The following TCP11L2 variants were observed in gnomAD, a reference collection of about 807,000 sequenced individuals.
TCP11L2 encodes t-complex 11 like 2, also known as T-complex protein 11-like protein 2.
A neutral mutation model predicts 50.7 loss-of-function variants in TCP11L2; 39 were observed. The observed-to-expected ratio is 0.77, with a 90% confidence interval of 0.60 to 1.01. The LOEUF is 1.01. TCP11L2 is among the 50% of genes least tolerant of loss of function. TCP11L2 has a pLI of 0.00. For missense variants in TCP11L2, 612 were observed against 614.7 expected (o/e 1.00, Z 0.05); for synonymous variants, 192 against 219.3 (o/e 0.88, Z 1.10).
intron 1 of TCP11L2, among the ~76,000 whole-genome samples, chr12:106,308,343 C>A (rs1225911103): frequency 3.9e-5 from 6 of 152,178 alleles, no homozygotes; most frequent in Non-Finnish European, 5.9e-5. Context: ...TAATGATGAA[C>A]CCAGGCCACA....
intron 6 of TCP11L2, chr12:106,329,787 C>T (rs1345835036): frequency 6.1e-6 from 6 of 991,198 alleles, no homozygotes; most frequent in Non-Finnish European, 7.2e-6. Flanking sequence ...ATGATTTCCA[C>T]TCGCGCTCTC....
At chr12:106,339,969 C>G (rs1044872676) in intron 8 of TCP11L2, among the ~76,000 whole-genome samples, 1 of 152,158 alleles carries the variant, frequency 6.6e-6, no homozygotes, top group Non-Finnish European at 1.5e-5. Context: ...CTGCTAAGAG[C>G]TAAATATTAG....
At chr12:106,314,826 C>T (rs1041656050) in intron 3 of TCP11L2, among the ~76,000 whole-genome samples, 1 of 151,530 alleles carries the variant, frequency 6.6e-6, no homozygotes, top group African/African-American at 2.4e-5. Flanking sequence ...AAAGCAAGAC[C>T]CCATCTCTGT....
chr12:106,330,441 G>A, intron 6 of TCP11L2: 1 of 374,826 alleles, frequency 2.7e-6, no homozygotes, highest in Non-Finnish European at 3.7e-6. Context: ...GGGCAGGGCG[G>A]GAGGCTGAGG....
At chr12:106,300,622 G>A (rs1285464124), upstream of TCP11L2, among the ~76,000 whole-genome samples, 1 of 152,224 alleles carries the variant, frequency 6.6e-6, no homozygotes, top group Non-Finnish European at 1.5e-5. Context: ...GAGCCACCGT[G>A]CCTGGCCCAA....
upstream of TCP11L2, chr12:106,302,050 G>C (rs908352085): frequency 2.0e-5 from 3 of 152,424 alleles, no homozygotes; most frequent in African/African-American, 7.2e-5. Context: ...AGATGACCCG[G>C]TTAGTGGCTG....
At chr12:106,311,309 C>A in intron 2 of TCP11L2, 77 bp downstream of exon 2, 1 of 1,511,758 alleles carries the variant, frequency 6.6e-7, no homozygotes, top group Non-Finnish European at 9.0e-7. Flanking sequence ...AACTCAGAAA[C>A]GCCTGAGAGC....
At chr12:106,315,907 A>G (rs2035062999) in intron 3 of TCP11L2, among the ~76,000 whole-genome samples, 1 of 152,254 alleles carries the variant, frequency 6.6e-6, no homozygotes, top group Non-Finnish European at 1.5e-5. Context: ...GAGGCATTCT[A>G]TCAGTTAAGA....
chr12:106,329,261 C>G, intron 6 of TCP11L2: 3 of 1,523,836 alleles, frequency 2.0e-6, no homozygotes, highest in Non-Finnish European at 2.6e-6. Context: ...ATACCTGGGA[C>G]TGAGTAGGTG....
At chr12:106,299,539 A>T (rs2034381331), upstream of TCP11L2, among the ~76,000 whole-genome samples, 1 of 152,192 alleles carries the variant, frequency 6.6e-6, no homozygotes, top group African/African-American at 2.4e-5. Context: ...CAATGTATTA[A>T]ACCAAGCACA....
At chr12:106,312,257 A>ATTTTTTTTTTTTTTTTTTTT (rs55891003) in intron 2 of TCP11L2, 1 of 275,248 alleles carries the variant, frequency 3.6e-6, no homozygotes. Context: ...TTTAGTTTCC[A>ATTTTTTTTTTTTTTTTTTTT]TTTTTTTTTT....
At chr12:106,310,027 G>C (rs896561917) in intron 1 of TCP11L2, among the ~76,000 whole-genome samples, 1 of 152,074 alleles carries the variant, frequency 6.6e-6, no homozygotes, top group Non-Finnish European at 1.5e-5. Flanking sequence ...TTCCCCTTCA[G>C]TGTCAGGTGA....
intron 5 of TCP11L2, among the ~76,000 whole-genome samples, chr12:106,322,407 G>T (rs555477468): frequency 3.4e-4 from 52 of 152,298 alleles, no homozygotes; most frequent in Non-Finnish European, 6.0e-4. Flanking sequence ...ATTGAAAGGG[G>T]AGTTGAGAAA....
Position 106,318,339 on chromosome 12 carries a change from C to T in TCP11L2, c.294-5C>T. On this transcript the variant is annotated splice_region_variant and splice_polypyrimidine_tract_variant and intron_variant, in intron 3 of 9. Transcript: ENST00000299045. ...TTTAAAAAACAATTCATTTTATTGC[C>T]ATAGTTTGGCTGGTCGAGTGAAGCA... 1 of 1,609,644 alleles carries T rather than the reference C, an allele frequency of 6.2e-7. No homozygotes were observed. Among genetic ancestry groups the T allele is most frequent in the Non-Finnish European group, 8.5e-7 (1 of 1,177,514 alleles).
In TCP11L2 at chr12:106,336,153, C is replaced by T. The variant is rs1192528645; in HGVS notation, c.1082C>T (p.Pro361Leu). ...GTGGGTGCTATTACAGGAGGCCTGC[C>T]TGAGCTTGCAAGCAGGTTAACAAGG... The part of the protein sequence containing the change: ...NMVGAITGGL[P>L]ELASRLTRIS... Residue 361 changes from proline to leucine, a missense_variant, in exon 8 of 10, where the codon CCT (proline) becomes CTT (leucine). Transcript: ENST00000299045. The T allele has an allele frequency of 1.2e-6, 2 of 1,613,690 alleles. No individual in the cohort carries two copies. Among genetic ancestry groups the T allele is most frequent in the Admixed American group, 3.3e-5 (2 of 59,892 alleles).
upstream of TCP11L2, among the ~76,000 whole-genome samples, chr12:106,301,252 A>G (rs1056086885): frequency 9.9e-5 from 15 of 152,228 alleles, no homozygotes; most frequent in Non-Finnish European, 1.0e-4. Flanking sequence ...TTTTAGGAGA[A>G]GAGAGGAAAG....
chr12:106,320,440 G>T (rs750981463), intron 4 of TCP11L2, among the ~76,000 whole-genome samples: 3 of 152,054 alleles, frequency 2.0e-5, no homozygotes, highest in Non-Finnish European at 4.4e-5. Context: ...TAGATTCCTA[G>T]CTGGGGCTGC....
At chr12:106,321,058 T>C (rs1359789089) in intron 4 of TCP11L2, among the ~76,000 whole-genome samples, 1 of 152,230 alleles carries the variant, frequency 6.6e-6, no homozygotes, top group South Asian at 2.1e-4. Flanking sequence ...AGAAGTTTGG[T>C]GATTTTTTTT....
intron 4 of TCP11L2, 115 bp downstream of exon 4, chr12:106,318,579 G>A: frequency 2.3e-6 from 3 of 1,318,396 alleles, no homozygotes; most frequent in Middle Eastern, 2.1e-4. Flanking sequence ...TCACAGTACT[G>A]GAGGCTGGGA....
Sources: gnomAD v4.1 joint callset for allele counts (sites outside exome capture counted in the v4.1 genomes callset) on GRCh38, gnomAD v4.1.1 for gene constraint, MANE v1.5 for transcripts, NCBI Gene and HGNC (gene_info 2026-07-23, HGNC 2026-07-21) for gene names.